Variants in ZFYVE1 observed in about 807,000 individuals in gnomAD.
The protein encoded by ZFYVE1 is zinc finger FYVE domain-containing protein 1.
ZFYVE1 carries 30 observed loss-of-function variants against 74.4 expected under a neutral mutation model. That is an observed-to-expected ratio of 0.40 (90% CI 0.30 to 0.55). The LOEUF is 0.55. Ranked by LOEUF, ZFYVE1 falls within the 20% of genes least tolerant of loss-of-function variation. ZFYVE1 has a pLI of 0.42. For missense variants in ZFYVE1, 703 were observed against 1,011.6 expected (o/e 0.69, Z 4.14); for synonymous variants, 335 against 385.1 (o/e 0.87, Z 1.52).
At chr14:73,014,804 C>G (rs545207771) in intron 2 of ZFYVE1, among the ~76,000 whole-genome samples, 2 of 152,282 alleles carry the variant, frequency 1.3e-5, no homozygotes, top group South Asian at 2.1e-4. Flanking sequence ...ACAAGAGGAG[C>G]TGGAAAGAAC....
intron 3 of ZFYVE1, 36 bp from the exon 4 acceptor site, chr14:72,993,393 G>C: frequency 6.7e-7 from 1 of 1,487,208 alleles, no homozygotes. Context: ...TGGGTAGTGA[G>C]TGACATTTAA....
rs749276548 is a variant in ZFYVE1, at chr14:72,998,205, G to A, written c.594C>T (p.Asn198=). The change falls in exon 3 of 12, where the codon AAC becomes AAT. Residue 198 remains asparagine (N), a synonymous_variant. Coordinates refer to ENST00000556143, the MANE Select transcript of ZFYVE1 (RefSeq NM_021260.4). ...CTTCACGACCATAAAAGAAAGTGTG[G>A]TTGAGAGTATGAGACTTTCCATCAC... ...NTGDGKSHTL[N]HTFFYGREVF... is the part of the protein sequence containing the mutation. 2 of 1,613,446 alleles carry A rather than the reference G, an allele frequency of 1.2e-6. No individual in the cohort carries two copies. The highest frequency in any genetic ancestry group is 2.2e-5 in the East Asian group (1 of 44,846).
intron 3 of ZFYVE1, among the ~76,000 whole-genome samples, chr14:72,997,529 C>G (rs1389692235): frequency 6.6e-6 from 1 of 152,108 alleles, no homozygotes; most frequent in African/African-American, 2.4e-5. Context: ...TCACTCTGAT[C>G]AAGCTTTTAC....
At chr14:73,008,124 C>T (rs1254204291) in intron 2 of ZFYVE1, among the ~76,000 whole-genome samples, 1 of 152,164 alleles carries the variant, frequency 6.6e-6, no homozygotes, top group Non-Finnish European at 1.5e-5. Context: ...CCTGCAGCTC[C>T]TCTCCTATCC....
chr14:72,979,613 C>T lies in ZFYVE1; in HGVS notation c.1311-644G>A, dbSNP rs147840294. Reference sequence around the variant, plus strand: ...AGGTTGCAGTAAGCCAAGATCACACCGCTATACTCCAGCCTGGGCAACAGC... The same window carrying T: ...AGGTTGCAGTAAGCCAAGATCACACTGCTATACTCCAGCCTGGGCAACAGC... On this transcript the variant is annotated intron_variant, in intron 5 of 11. Transcript: ENST00000556143. Among the ~76,000 whole-genome samples the T allele has an allele frequency of 3.6e-3, 550 of 151,560 alleles. 3 individuals carry two copies. The highest frequency in any genetic ancestry group is 6.6e-3 in the Non-Finnish European group (446 of 67,902).
chr14:72,976,168 T>A (rs1234710550), intron 8 of ZFYVE1, among the ~76,000 whole-genome samples: 4 of 152,112 alleles, frequency 2.6e-5, no homozygotes, highest in Non-Finnish European at 5.9e-5. Flanking sequence ...AGCTCAGTGC[T>A]GGGCACAAGG....
chr14:72,989,533 A>C (rs767039332), intron 4 of ZFYVE1, among the ~76,000 whole-genome samples: 5 of 152,164 alleles, frequency 3.3e-5, no homozygotes, highest in Non-Finnish European at 7.3e-5. Context: ...ATGAATATGC[A>C]TTGCTTTTAT....
chr14:72,982,938 G>A (rs1434379921), intron 4 of ZFYVE1, among the ~76,000 whole-genome samples: 1 of 151,964 alleles, frequency 6.6e-6, no homozygotes, highest in South Asian at 2.1e-4. Context: ...CTGCCCCCTG[G>A]GTTCAAGAGA....
chr14:73,025,906 C>G (rs1894450193), intron 1 of ZFYVE1, among the ~76,000 whole-genome samples: 1 of 151,888 alleles, frequency 6.6e-6, no homozygotes, highest in Admixed American at 6.6e-5. Context: ...CACATGCATC[C>G]CACAATTGGG....
At chr14:73,018,649 A>G (rs915732600) in intron 2 of ZFYVE1, among the ~76,000 whole-genome samples, 1 of 151,946 alleles carries the variant, frequency 6.6e-6, no homozygotes, top group Admixed American at 6.6e-5. Context: ...AGAACACAGA[A>G]AGTGCCTGGC....
intron 10 of ZFYVE1, among the ~76,000 whole-genome samples, chr14:72,974,515 C>A (rs536344517): frequency 2.6e-5 from 4 of 152,326 alleles, no homozygotes; most frequent in Admixed American, 1.3e-4. Flanking sequence ...ACACTGCAGC[C>A]TTTTCAGAAT....
intron 6 of ZFYVE1, 26 bp downstream of exon 6, chr14:72,978,833 GAC>G (rs1893248504): frequency 2.5e-6 from 4 of 1,602,318 alleles, no homozygotes; most frequent in Non-Finnish European, 3.4e-6. Context: ...GCCCGCTGCT[GAC>G]ACAGGGAGGA....
At chr14:72,991,183 A>ATTTT (rs57153409) in intron 4 of ZFYVE1, among the ~76,000 whole-genome samples, 18 of 83,574 alleles carry the variant, frequency 2.2e-4, no homozygotes, top group East Asian at 3.5e-4. Flanking sequence ...CCCTGATGGT[A>ATTTT]TTTTTTTTTT....
chr14:72,984,528 C>CAA (rs538992802), intron 4 of ZFYVE1, among the ~76,000 whole-genome samples: 1 of 106,784 alleles, frequency 9.4e-6, no homozygotes, highest in Admixed American at 9.6e-5. Flanking sequence ...GACTCCGTCT[C>CAA]AAAAAAAAAA....
rs1337644546 is a variant in ZFYVE1 at position 72,997,932 on chromosome 14, C to T, written c.867G>A (p.Lys289=). 3 of 1,614,068 alleles carry T rather than the reference C, an allele frequency of 1.9e-6. No individual in the cohort carries two copies. In the Admixed American group the frequency reaches 5.0e-5, roughly 27 times the overall value. ...TGGCCTTGAGCTCCTTGGTGAAGTG[C>T]TTCAGATAAGCTTCTGAGGCATCCC... is the stretch of plus-strand genomic sequence containing the variant. The part of the protein sequence containing the change: ...FLGDASEAYL[K]HFTKELKATT... The change falls in exon 3 of 12, where the codon AAG becomes AAA. Residue 289 remains lysine (K), a synonymous_variant. Transcript: ENST00000556143.
intron 6 of ZFYVE1, among the ~76,000 whole-genome samples, chr14:72,978,566 CAAAAAAAAA>C (rs58858186): frequency 1.2e-4 from 6 of 50,952 alleles, no homozygotes; most frequent in South Asian, 1.3e-3. Context: ...GACTCTGTCT[CAAAAAAAAA>C]AAAAAAAAAA....
At chr14:73,017,542 A>G (rs1038142268) in intron 2 of ZFYVE1, among the ~76,000 whole-genome samples, 2 of 152,302 alleles carry the variant, frequency 1.3e-5, no homozygotes, top group South Asian at 4.1e-4. Context: ...AGTTTTATCA[A>G]TTTCACACAA....
intron 4 of ZFYVE1, among the ~76,000 whole-genome samples, chr14:72,987,282 A>G (rs938988096): frequency 6.6e-6 from 1 of 152,140 alleles, no homozygotes; most frequent in African/African-American, 2.4e-5. Context: ...AAGGTACATA[A>G]AGGCTGGGCA....
At chr14:73,002,204 A>G (rs1049169724) in intron 2 of ZFYVE1, among the ~76,000 whole-genome samples, 2 of 152,176 alleles carry the variant, frequency 1.3e-5, no homozygotes, top group Non-Finnish European at 2.9e-5. Flanking sequence ...CTCCATTTAT[A>G]TGAAACGTCC....
Sources: allele counts gnomAD v4.1 joint callset (sites outside exome capture counted in the v4.1 genomes callset), GRCh38; gene constraint gnomAD v4.1.1; transcripts MANE v1.5; gene names NCBI Gene and HGNC (gene_info 2026-07-23, HGNC 2026-07-21).